The following SMDT1 variants were observed in gnomAD, a reference collection of about 807,000 sequenced individuals.
SMDT1 encodes the protein single-pass membrane protein with aspartate rich tail 1.
A neutral mutation model predicts 5.9 loss-of-function variants in SMDT1; 6 were observed. The ratio of observed to expected loss-of-function variants is 1.03; its 90% confidence interval spans 0.56 to 2.02. The LOEUF is 2.02. SMDT1 is among the 30% of genes most tolerant of loss of function. SMDT1 has a pLI of 0.00. For synonymous variants in SMDT1, 81 were observed against 62.4 expected (o/e 1.30, Z -1.40); for missense variants, 159 against 145.6 (o/e 1.09, Z -0.47).
In SMDT1 at chr22:42,079,877, G is replaced by A; in HGVS notation, c.109G>A (p.Gly37Ser). ...KDGDVSAAWS[G>S]SGRSLVPSRS... ...TGGCGATGTCTCCGCCGCATGGAGCGGCTCAGGCCGGAGCCTGGTACCGTC... is the reference window on the plus strand; with the variant it reads ...TGGCGATGTCTCCGCCGCATGGAGCAGCTCAGGCCGGAGCCTGGTACCGTC... The change falls in exon 1 of 3, where the codon GGC becomes AGC. Residue 37 changes from glycine to serine, a missense_variant. Gly to Ser is a moderately conservative substitution (Grantham distance 56). Transcript: ENST00000331479. 3 of 1,614,216 alleles carry A rather than the reference G, an allele frequency of 1.9e-6. No individual in the cohort carries two copies. Among genetic ancestry groups the A allele is most frequent in the East Asian group, 2.2e-5 (1 of 44,886 alleles).
intron 2 of SMDT1, among the ~76,000 whole-genome samples, chr22:42,082,579 A>C (rs1316444079): frequency 6.6e-6 from 1 of 152,164 alleles, no homozygotes; most frequent in Non-Finnish European, 1.5e-5. Flanking sequence ...CCTGGCATTC[A>C]AGGCTTGCCA....
chr22:42,082,198 GT>G, intron 2 of SMDT1, 133 bp downstream of exon 2: 5 of 1,152,742 alleles, frequency 4.3e-6, no homozygotes, highest in Non-Finnish European at 6.2e-6. Context: ...GGTGGCTAAT[GT>G]TTTCGTTTGT....
intron 1 of SMDT1, 98 bp downstream of exon 1, chr22:42,080,052 T>C: frequency 7.6e-7 from 1 of 1,312,012 alleles, no homozygotes; most frequent in South Asian, 1.4e-5. Context: ...AGGCCAATCA[T>C]AACGATTACC....
At position 42,080,411 on chromosome 22, in the gene SMDT1, G is replaced by A. The variant is rs73887920; in HGVS notation, c.186+457G>A. On this transcript the variant is annotated intron_variant, in intron 1 of 2. Coordinates refer to ENST00000331479, the MANE Select transcript of SMDT1 (RefSeq NM_033318.5). ...CATGTGATTTACAGTCCTGATAGAT[G>A]TGCAGGGAATTATTACAATCACGGG... 8.9e-3 allele frequency among the ~76,000 whole-genome samples: 1,349 copies of A among 152,302 alleles called. 22 individuals carry two copies. The highest frequency in any genetic ancestry group is 0.031 in the African/African-American group (1,301 of 41,550).
Position 42,084,248 on chromosome 22 carries a change from CTT to C in SMDT1, c.*1136_*1137del, listed in dbSNP as rs1307597752. On this transcript the variant is annotated 3_prime_UTR_variant, in exon 3 of 3. Transcript: ENST00000331479. ...ACCCTATGCATCTCTTCAGCTGTAT[CTT>C]TTGTGATATCCTTTATAATAAACCA... 1 of 152,160 alleles carries C rather than the reference CTT, an allele frequency of 6.6e-6. No individual in the cohort carries two copies. Among genetic ancestry groups the C allele is most frequent in the Non-Finnish European group, 1.5e-5 (1 of 68,036 alleles). The allele number at this position is 152,160 out of a possible 1,614,324, so 9.4% of individuals were successfully genotyped here. A position where few individuals can be genotyped will look rare whatever the true frequency, so the allele number is the denominator to read the frequency against.
At position 42,079,955 on chromosome 22, in the gene SMDT1, G is replaced by C; in HGVS notation, c.186+1G>C. On this transcript the variant is annotated splice_donor_variant, in intron 1 of 2. Transcript: ENST00000331479. LOFTEE classifies it high-confidence loss of function. ...CGCCATTTTGCCCAAACCGGTGAAA[G>C]TGAGTGTCCTCCTGGAGACGGGGCG... 1 of 1,610,520 alleles carries C rather than the reference G, an allele frequency of 6.2e-7. No individual in the cohort carries two copies. Among genetic ancestry groups the C allele is most frequent in the South Asian group, 1.1e-5 (1 of 90,752 alleles).
intron 2 of SMDT1, 120 bp downstream of exon 2, chr22:42,082,185 C>T: frequency 7.9e-7 from 1 of 1,267,946 alleles, no homozygotes; most frequent in Non-Finnish European, 1.1e-6. Context: ...AATTGGCCCA[C>T]TTGGTGGCTA....
intron 1 of SMDT1, among the ~76,000 whole-genome samples, chr22:42,080,773 T>A (rs1846641984): frequency 6.6e-6 from 1 of 152,250 alleles, no homozygotes; most frequent in Non-Finnish European, 1.5e-5. Context: ...AAAATTTTTT[T>A]AATTCTAGGA....
In SMDT1 at chr22:42,081,953, C is replaced by G; in HGVS notation, c.215C>G (p.Ser72Cys). Reference protein sequence around the residue: ...KMSFGLLRVFSIVIPFLYVGT... With the variant: ...KMSFGLLRVFCIVIPFLYVGT... The stretch of plus-strand genomic sequence containing the variant: ...TCCTTCGGCCTTCTCCGTGTGTTCT[C>G]CATTGTGATCCCCTTTCTCTATGTC... Residue 72 changes from serine to cysteine, a missense_variant, in exon 2 of 3, where the codon TCC becomes TGC. Physicochemically the swap from Ser to Cys is moderately radical, Grantham distance 112 (BLOSUM62 -1). Coordinates refer to ENST00000331479, the MANE Select transcript of SMDT1 (RefSeq NM_033318.5). 4 of 1,614,126 alleles carry G rather than the reference C, an allele frequency of 2.5e-6. No individual in the cohort carries two copies. Among genetic ancestry groups the G allele is most frequent in the Non-Finnish European group, 3.4e-6 (4 of 1,180,044 alleles).
rs949915735 is a variant in SMDT1, at chr22:42,081,946, G to A, written c.208G>A (p.Val70Met). ...GCAGATGTCCTTCGGCCTTCTCCGT[G>A]TGTTCTCCATTGTGATCCCCTTTCT... is the stretch of plus-strand genomic sequence containing the variant. ...PVKMSFGLLRVFSIVIPFLYV... is the reference protein window; with the variant it reads ...PVKMSFGLLRMFSIVIPFLYV... Residue 70 changes from valine to methionine, a missense_variant, in exon 2 of 3, where the codon GTG becomes ATG. Val to Met is a conservative substitution (Grantham distance 21). Coordinates refer to ENST00000331479, the MANE Select transcript of SMDT1 (RefSeq NM_033318.5). 2.5e-6 allele frequency: 4 copies of A among 1,614,100 alleles called. No individual in the cohort carries two copies. The highest frequency in any genetic ancestry group is 3.3e-5 in the Admixed American group (2 of 60,022).
Position 42,079,895 on chromosome 22 carries a change from G to C in SMDT1, c.127G>C (p.Val43Leu). 2.5e-6 allele frequency: 4 copies of C among 1,614,198 alleles called. No homozygotes were observed. Among genetic ancestry groups the C allele is most frequent in the East Asian group, 2.2e-5 (1 of 44,888 alleles). ...AAWSGSGRSL[V>L]PSRSVIVTRS... The stretch of plus-strand genomic sequence containing the variant: ...ATGGAGCGGCTCAGGCCGGAGCCTG[G>C]TACCGTCGAGGTCAGTCATCGTTAC... The change falls in exon 1 of 3, where the codon GTA becomes CTA. Residue 43 changes from valine to leucine, a missense_variant. By Grantham distance (32) the Val-to-Leu change is conservative. Transcript: ENST00000331479.
Position 42,079,815 on chromosome 22 carries a change from C to T in SMDT1, c.47C>T (p.Ser16Phe). 6.2e-7 allele frequency: 1 copy of T among 1,612,608 alleles called. No homozygotes were observed. The highest frequency in any genetic ancestry group is 8.5e-7 in the Non-Finnish European group (1 of 1,179,858). Residue 16 changes from serine to phenylalanine, a missense_variant, in exon 1 of 3, where the codon TCC (serine) becomes TTC (phenylalanine). By Grantham distance (155) the Ser-to-Phe change is radical. Coordinates refer to ENST00000331479, the MANE Select transcript of SMDT1 (RefSeq NM_033318.5). ...TGGCTAGTATTGGCACCCGTCAGGT[C>T]CGGGGCTCTCCGGAGCGGGCCTAGC... ...ARWLVLAPVR[S>F]GALRSGPSLR...
At position 42,079,900 on chromosome 22, in the gene SMDT1, G is replaced by A. The variant is rs375353224; in HGVS notation, c.132G>A (p.Pro44=). ...AWSGSGRSLV[P]SRSVIVTRSG... is the part of the protein sequence containing the mutation. ...GCGGCTCAGGCCGGAGCCTGGTACC[G>A]TCGAGGTCAGTCATCGTTACCCGCA... The change falls in exon 1 of 3, where the codon CCG becomes CCA. Residue 44 remains proline (P), a synonymous_variant. Coordinates refer to ENST00000331479, the MANE Select transcript of SMDT1 (RefSeq NM_033318.5). 1 of 1,613,908 alleles carries A rather than the reference G, an allele frequency of 6.2e-7. No homozygotes were observed. Among genetic ancestry groups the A allele is most frequent in the African/African-American group, 1.3e-5 (1 of 74,940 alleles).
At position 42,084,196 on chromosome 22, in the gene SMDT1, G is replaced by T. The variant is rs1252044155; in HGVS notation, c.*1081G>T. 1 of 152,188 alleles carries T rather than the reference G, an allele frequency of 6.6e-6. No homozygotes were observed. The allele number at this position is 152,188 out of a possible 1,614,324, so 9.4% of individuals were successfully genotyped here. On this transcript the variant is annotated 3_prime_UTR_variant, in exon 3 of 3. Coordinates refer to ENST00000331479, the MANE Select transcript of SMDT1 (RefSeq NM_033318.5). The stretch of plus-strand genomic sequence containing the variant: ...AAAGTGGCACGCCTGGAGAGAACTT[G>T]GAAGCTCCACGCCCCTTCTATACCT...
rs201246734 is a variant in SMDT1 at position 42,082,095 on chromosome 22, G to A, written c.*3+30G>A. 9.3e-6 allele frequency: 15 copies of A among 1,604,300 alleles called. No homozygotes were observed. The African/African-American group carries it at 1.6e-4, about 17-fold the overall frequency. On this transcript the variant is annotated intron_variant, in intron 2 of 2. Coordinates refer to ENST00000331479, the MANE Select transcript of SMDT1 (RefSeq NM_033318.5). ...GACTTGCTTTACCCTAGATGGAGCAGGAAGCAGGGTGGAGCATCTGTCTGT... is the reference window on the plus strand; with the variant it reads ...GACTTGCTTTACCCTAGATGGAGCAAGAAGCAGGGTGGAGCATCTGTCTGT...
In SMDT1 at chr22:42,084,222, C is replaced by G. The variant is rs1419157902; in HGVS notation, c.*1107C>G. 4 of 152,204 alleles carry G rather than the reference C, an allele frequency of 2.6e-5. No homozygotes were observed. The highest frequency in any genetic ancestry group is 9.7e-5 in the African/African-American group (4 of 41,442). The allele number at this position is 152,204 out of a possible 1,614,324, so 9.4% of individuals were successfully genotyped here. On this transcript the variant is annotated 3_prime_UTR_variant, in exon 3 of 3. Coordinates refer to ENST00000331479, the MANE Select transcript of SMDT1 (RefSeq NM_033318.5). The stretch of plus-strand genomic sequence containing the variant: ...GAAGCTCCACGCCCCTTCTATACCT[C>G]ACCCTATGCATCTCTTCAGCTGTAT...
At position 42,081,989 on chromosome 22, in the gene SMDT1, T is replaced by A; in HGVS notation, c.251T>A (p.Ile84Asn). The A allele has an allele frequency of 6.2e-7, 1 of 1,614,118 alleles. No individual in the cohort carries two copies. The highest frequency in any genetic ancestry group is 8.5e-7 in the Non-Finnish European group (1 of 1,180,028). ...CCCTTTCTCTATGTCGGGACACTCA[T>A]TAGCAAGAACTTTGCTGCTCTACTT... Reference protein sequence around the residue: ...VIPFLYVGTLISKNFAALLEE... With the variant: ...VIPFLYVGTLNSKNFAALLEE... Residue 84 changes from isoleucine to asparagine, a missense_variant, in exon 2 of 3, where the codon ATT becomes AAT. Transcript: ENST00000331479.
intron 1 of SMDT1, among the ~76,000 whole-genome samples, 162 bp downstream of exon 1, chr22:42,080,116 T>C (rs1210253048): frequency 6.6e-6 from 1 of 151,952 alleles, no homozygotes; most frequent in Non-Finnish European, 1.5e-5. Context: ...TTTTGACAGG[T>C]GTGTAGAAAA....
chr22:42,082,079 T>C lies in SMDT1; in HGVS notation c.*3+14T>C. 6.2e-7 allele frequency: 1 copy of C among 1,608,106 alleles called. No homozygotes were observed. The highest frequency in any genetic ancestry group is 8.5e-7 in the Non-Finnish European group (1 of 1,179,958). On this transcript the variant is annotated intron_variant, in intron 2 of 2. Coordinates refer to ENST00000331479, the MANE Select transcript of SMDT1 (RefSeq NM_033318.5). ...GATGACTAACAGGTAAGACTTGCTT[T>C]ACCCTAGATGGAGCAGGAAGCAGGG... is the stretch of plus-strand genomic sequence containing the variant.
Sources: gnomAD v4.1 joint callset for allele counts (sites outside exome capture counted in the v4.1 genomes callset) on GRCh38, gnomAD v4.1.1 for gene constraint, MANE v1.5 for transcripts, NCBI Gene and HGNC (gene_info 2026-07-23, HGNC 2026-07-21) for gene names.